Variants in CFAP96 observed in about 807,000 individuals in gnomAD.
CFAP96 encodes the protein cilia-and flagella-associated protein 96.
At chr4:185,413,792 T>C in the CFAP96 span, 1 of 1,613,540 alleles carries the variant, frequency 6.2e-7, no homozygotes, top group Non-Finnish European at 8.5e-7. Flanking sequence ...CATCTTTGTA[T>C]GGCTCATCTG....
At chr4:185,409,324 T>C in the CFAP96 span, among the ~76,000 whole-genome samples, 12,035 of 152,210 alleles carry the variant, frequency 0.079, 795 homozygotes, top group African/African-American at 0.17. Context: ...GTGCTAAGAA[T>C]GTATATGTCT....
chr4:185,411,426 A>G, the CFAP96 span, among the ~76,000 whole-genome samples: 1 of 152,194 alleles, frequency 6.6e-6, no homozygotes, highest in Non-Finnish European at 1.5e-5. Flanking sequence ...GTATATCACT[A>G]ATAAAAAAAC....
the CFAP96 span, chr4:185,432,237 C>T: frequency 1.4e-6 from 2 of 1,405,160 alleles, no homozygotes; most frequent in East Asian, 2.5e-5. Flanking sequence ...AAATATACCT[C>T]CTGTACCTTT....
chr4:185,433,542 G>C, the CFAP96 span, among the ~76,000 whole-genome samples: 1 of 111,954 alleles, frequency 8.9e-6, no homozygotes, highest in East Asian at 2.3e-4. Context: ...AAACTACTTT[G>C]TATAACTTAT....
the CFAP96 span, among the ~76,000 whole-genome samples, chr4:185,437,946 C>A: frequency 6.6e-6 from 1 of 152,016 alleles, no homozygotes; most frequent in East Asian, 1.9e-4. Context: ...TGATGAGAAA[C>A]CTGTTGTCAT....
chr4:185,412,794 AG>A, the CFAP96 span, among the ~76,000 whole-genome samples: 2 of 152,252 alleles, frequency 1.3e-5, no homozygotes, highest in South Asian at 4.2e-4. Flanking sequence ...GACACCTGCT[AG>A]TCACAGGGCT....
chr4:185,445,565 GGTTA>G, the CFAP96 span: 160 of 1,438,164 alleles, frequency 1.1e-4, no homozygotes, highest in Non-Finnish European at 1.5e-4. Context: ...AAAATATTCT[GGTTA>G]ATTAAAAATG....
chr4:185,413,986 CCAAA>C, the CFAP96 span: 2 of 923,606 alleles, frequency 2.2e-6, no homozygotes, highest in Non-Finnish European at 3.0e-6. Flanking sequence ...ATAAAAGTTT[CCAAA>C]CACTTATGGT....
At chr4:185,440,015 T>TA in the CFAP96 span, among the ~76,000 whole-genome samples, 1 of 108,612 alleles carries the variant, frequency 9.2e-6, no homozygotes, top group Non-Finnish European at 2.0e-5. Flanking sequence ...ATATAGATAA[T>TA]CTCATATATA....
the CFAP96 span, chr4:185,444,885 AT>A: frequency 7.5e-7 from 1 of 1,333,316 alleles, no homozygotes; most frequent in Middle Eastern, 1.8e-4. Flanking sequence ...CTACAAAAAT[AT>A]GTATGAACTT....
At chr4:185,427,927 A>C in the CFAP96 span, among the ~76,000 whole-genome samples, 5 of 149,582 alleles carry the variant, frequency 3.3e-5, 1 homozygote, top group Non-Finnish European at 7.4e-5. Flanking sequence ...CTCTACTAAA[A>C]AATACAAAGT....
the CFAP96 span, among the ~76,000 whole-genome samples, chr4:185,428,709 C>T: frequency 2.0e-5 from 3 of 152,040 alleles, no homozygotes; most frequent in African/African-American, 7.2e-5. Flanking sequence ...TACCTGTTAA[C>T]AAATACTCAG....
At chr4:185,443,316 T>A in the CFAP96 span, among the ~76,000 whole-genome samples, 1 of 68,068 alleles carries the variant, frequency 1.5e-5, no homozygotes, top group African/African-American at 4.1e-5. Flanking sequence ...ATATTATTTT[T>A]TATGTATATA....
the CFAP96 span, among the ~76,000 whole-genome samples, chr4:185,433,419 G>A: frequency 5.8e-4 from 16 of 27,736 alleles, no homozygotes; most frequent in Non-Finnish European, 9.3e-4. Flanking sequence ...AAAAAGAAAA[G>A]AAAAGTAATG....
the CFAP96 span, among the ~76,000 whole-genome samples, chr4:185,428,478 A>G: frequency 1.2e-4 from 18 of 149,992 alleles, no homozygotes; most frequent in African/African-American, 4.4e-4. Flanking sequence ...TGGCTGAGGC[A>G]GGAGAATCGC....
chr4:185,447,306 C>T, the CFAP96 span, among the ~76,000 whole-genome samples: 15 of 151,976 alleles, frequency 9.9e-5, no homozygotes, highest in African/African-American at 3.1e-4. Flanking sequence ...CTCAGCCTCC[C>T]GAGTAGCTGG....
chr4:185,438,598 G>A, the CFAP96 span, among the ~76,000 whole-genome samples: 1 of 152,090 alleles, frequency 6.6e-6, no homozygotes, highest in Non-Finnish European at 1.5e-5. Flanking sequence ...GCTACTTTGA[G>A]TTACTGGCAA....
the CFAP96 span, among the ~76,000 whole-genome samples, chr4:185,410,647 C>CA: frequency 5.4e-5 from 8 of 147,184 alleles, no homozygotes; most frequent in East Asian, 6.0e-4. Context: ...GACTCCATCT[C>CA]AAAAAAAAGA....
chr4:185,424,456 G>A, the CFAP96 span, among the ~76,000 whole-genome samples: 1 of 152,148 alleles, frequency 6.6e-6, no homozygotes, highest in Non-Finnish European at 1.5e-5. Flanking sequence ...AAGGGTCACT[G>A]TTTTTATTTA....
Sources: gnomAD v4.1 joint callset for allele counts (sites outside exome capture counted in the v4.1 genomes callset) on GRCh38, gnomAD v4.1.1 for gene constraint, MANE v1.5 for transcripts, NCBI Gene and HGNC (gene_info 2026-07-23, HGNC 2026-07-21) for gene names.